The following ARSJ variants were observed in gnomAD, a reference collection of about 807,000 sequenced individuals.
The protein encoded by ARSJ is arylsulfatase family member J, also known as arylsulfatase J.
ARSJ carries 26 observed loss-of-function variants against 35.9 expected under a neutral mutation model. The observed-to-expected ratio is 0.72, with a 90% CI of 0.53 to 1.00. The LOEUF is 1.00. Among genes scored for constraint, ARSJ ranks in the 50% least tolerant of loss-of-function variants. The pLI is 0.00. For synonymous variants in ARSJ, 294 were observed against 267.6 expected (o/e 1.10, Z -0.96); for missense variants, 667 against 723.6 (o/e 0.92, Z 0.90).
chr4:113,966,239 G>A (rs1309140405), intron 1 of ARSJ, among the ~76,000 whole-genome samples: 2 of 152,008 alleles, frequency 1.3e-5, no homozygotes, highest in Non-Finnish European at 2.9e-5. Flanking sequence ...TTTTTGCTAG[G>A]TAGAAGTGCA....
intron 1 of ARSJ, among the ~76,000 whole-genome samples, chr4:113,925,751 T>C (rs780032879): frequency 3.9e-5 from 6 of 152,138 alleles, no homozygotes; most frequent in Admixed American, 2.0e-4. Flanking sequence ...GTGTGCAGGA[T>C]AGGCAAACCC....
At chr4:113,912,240 A>G (rs901831421) in intron 1 of ARSJ, among the ~76,000 whole-genome samples, 2 of 152,222 alleles carry the variant, frequency 1.3e-5, no homozygotes, top group Non-Finnish European at 2.9e-5. Flanking sequence ...CAGCATTAAA[A>G]GAGTCTGAGG....
intron 1 of ARSJ, chr4:113,946,387 G>A (rs554848777): frequency 3.3e-5 from 5 of 151,860 alleles, no homozygotes; most frequent in South Asian, 2.1e-4. Context: ...CACATCAAAC[G>A]GCATTTTTAG....
rs1562345548 is a variant in ARSJ, at chr4:113,924,061, ATATAAATATATATAAATATATATATATAT to A, written c.399-20415_399-20387del. 8.6e-4 allele frequency among the ~76,000 whole-genome samples: 95 copies of A among 110,696 alleles called. 1 individual carries two copies. Among genetic ancestry groups the A allele is most frequent in the African/African-American group, 3.7e-3 (88 of 23,580 alleles). 72.6% of individuals were successfully genotyped at this position (110,696 alleles called of 152,430 possible). A position where few individuals can be genotyped will look rare whatever the true frequency, so the allele number is the denominator to read the frequency against. On this transcript the variant is annotated intron_variant, in intron 1 of 1. Transcript: ENST00000315366. ...AATATATATAAATATATATAAATAT[ATATAAATATATATAAATATATATATATAT>A]ATATATATATATATATATATATATA... is the stretch of plus-strand genomic sequence containing the variant.
chr4:113,909,003 A>G (rs1280655565), intron 1 of ARSJ, among the ~76,000 whole-genome samples: 2 of 152,100 alleles, frequency 1.3e-5, no homozygotes, highest in African/African-American at 2.4e-5. Flanking sequence ...GATTGTTTAG[A>G]TTTGTCTAGG....
chr4:113,965,420 T>G (rs748410678), intron 1 of ARSJ, among the ~76,000 whole-genome samples: 3 of 152,058 alleles, frequency 2.0e-5, no homozygotes, highest in Non-Finnish European at 2.9e-5. Context: ...AAAATCCTAG[T>G]GTTGGAGTTG....
At chr4:113,961,959 A>G (rs923706505) in intron 1 of ARSJ, among the ~76,000 whole-genome samples, 2 of 150,956 alleles carry the variant, frequency 1.3e-5, no homozygotes, top group African/African-American at 4.9e-5. Flanking sequence ...TTGATATTTG[A>G]TGCAATCAAT....
At chr4:113,937,343 T>A (rs1181470394) in intron 1 of ARSJ, among the ~76,000 whole-genome samples, 1 of 151,910 alleles carries the variant, frequency 6.6e-6, no homozygotes, top group East Asian at 1.9e-4. Context: ...AAGCTCCAGA[T>A]GAGTAGAAAA....
chr4:113,960,652 T>C (rs902308745), intron 1 of ARSJ, among the ~76,000 whole-genome samples: 1 of 152,146 alleles, frequency 6.6e-6, no homozygotes, highest in Non-Finnish European at 1.5e-5. Flanking sequence ...GCTGATTCAT[T>C]ATTTTTACAT....
chr4:113,950,000 T>G (rs1255142045), intron 1 of ARSJ, among the ~76,000 whole-genome samples: 1 of 152,056 alleles, frequency 6.6e-6, no homozygotes, highest in Non-Finnish European at 1.5e-5. Context: ...CCCCCAACTT[T>G]TAATCTGGAA....
rs1726883964 is a variant in ARSJ at position 113,966,214 on chromosome 4, TA to T, written c.398+12222del. On this transcript the variant is annotated intron_variant, in intron 1 of 1. Coordinates refer to ENST00000315366, the MANE Select transcript of ARSJ (RefSeq NM_024590.4). ...CTTAATAATTGAAATGGAGTTAGTA[TA>T]TATAATTCATGAATTTTTGCTAGGT... 2.6e-5 allele frequency among the ~76,000 whole-genome samples: 4 copies of T among 152,134 alleles called. No individual in the cohort carries two copies. The South Asian group carries it at 8.3e-4, about 32-fold the overall frequency.
chr4:113,956,331 T>C (rs76246676), intron 1 of ARSJ, among the ~76,000 whole-genome samples: 2,181 of 152,208 alleles, frequency 0.014, 56 homozygotes, highest in African/African-American at 0.048. Context: ...AAAGAGTTAA[T>C]TGTTAATCAC....
At chr4:113,930,121 C>T (rs573471350) in intron 1 of ARSJ, among the ~76,000 whole-genome samples, 185 of 152,100 alleles carry the variant, frequency 1.2e-3, no homozygotes, top group African/African-American at 4.0e-3. Context: ...TCCCTGGTAC[C>T]CAAATCTGTA....
At chr4:113,966,154 C>A (rs775500595) in intron 1 of ARSJ, among the ~76,000 whole-genome samples, 4 of 151,728 alleles carry the variant, frequency 2.6e-5, no homozygotes, top group Non-Finnish European at 4.4e-5. Context: ...TACAGGTATG[C>A]TACCAAATTT....
intron 1 of ARSJ, among the ~76,000 whole-genome samples, chr4:113,966,463 C>T (rs1420652925): frequency 1.3e-5 from 2 of 152,066 alleles, no homozygotes; most frequent in Non-Finnish European, 2.9e-5. Context: ...TCAATGCCTA[C>T]TGGAAGAAGA....
At chr4:113,964,005 C>T (rs1468630194) in intron 1 of ARSJ, among the ~76,000 whole-genome samples, 1 of 151,836 alleles carries the variant, frequency 6.6e-6, no homozygotes, top group Non-Finnish European at 1.5e-5. Context: ...ATTTTGACAT[C>T]TGGAATCATT....
chr4:113,970,893 T>C (rs35658086), intron 1 of ARSJ: 36,934 of 151,940 alleles, frequency 0.24, 4,953 homozygotes, highest in East Asian at 0.29. Flanking sequence ...AGGTTGAGGC[T>C]GCAGTGAGCC....
chr4:113,941,139 T>C (rs1248525327), intron 1 of ARSJ, among the ~76,000 whole-genome samples: 1 of 152,002 alleles, frequency 6.6e-6, no homozygotes, highest in Non-Finnish European at 1.5e-5. Context: ...TTAAAGAGGG[T>C]GAATGAGTTC....
chr4:113,938,784 A>G (rs1287217677), intron 1 of ARSJ, among the ~76,000 whole-genome samples: 2 of 152,180 alleles, frequency 1.3e-5, no homozygotes, highest in East Asian at 3.9e-4. Flanking sequence ...TCCTCAAAAG[A>G]AGACATTTAT....
Sources: gnomAD v4.1 joint callset for allele counts (sites outside exome capture counted in the v4.1 genomes callset) on GRCh38, gnomAD v4.1.1 for gene constraint, MANE v1.5 for transcripts, NCBI Gene and HGNC (gene_info 2026-07-23, HGNC 2026-07-21) for gene names.